Variants in TCF3 observed in about 807,000 individuals in gnomAD.
TCF3 encodes transcription factor E2-alpha.
TCF3 carries 54 observed loss-of-function variants against 72.3 expected under a neutral mutation model. That is an observed-to-expected ratio of 0.75 (90% CI 0.60 to 0.94). The LOEUF is 0.94. TCF3 is among the 40% of genes least tolerant of loss of function. The pLI is 0.00. For missense variants in TCF3, 1,078 were observed against 934.4 expected (o/e 1.15, Z -2.00); for synonymous variants, 525 against 412.6 (o/e 1.27, Z -3.30).
Position 1,609,522 on chromosome 19 carries a change from T to C in TCF3, c.*2185A>G, listed in dbSNP as rs1399749753. On this transcript the variant is annotated 3_prime_UTR_variant, in exon 19 of 19. Transcript: ENST00000262965. ...CCCAGGAACTGCTGTTTCTTCCTCCTCGCGCTGGGTGAATCTCGTTTGAAT... is the reference window on the plus strand; with the variant it reads ...CCCAGGAACTGCTGTTTCTTCCTCCCCGCGCTGGGTGAATCTCGTTTGAAT... The C allele has an allele frequency of 4.8e-6, 1 of 209,850 alleles. No individual in the cohort carries two copies. Among genetic ancestry groups the C allele is most frequent in the Non-Finnish European group, 9.6e-6 (1 of 104,022 alleles). 13.0% of individuals were successfully genotyped at this position (209,850 alleles called of 1,614,324 possible).
intron 2 of TCF3, among the ~76,000 whole-genome samples, chr19:1,646,895 C>T (rs1030209135): frequency 3.3e-5 from 5 of 152,262 alleles, no homozygotes; most frequent in African/African-American, 7.2e-5. Flanking sequence ...GCTGACTCCT[C>T]GTTTCCTGTG....
intron 2 of TCF3, among the ~76,000 whole-genome samples, chr19:1,648,411 G>C (rs929860714): frequency 1.3e-5 from 2 of 152,156 alleles, no homozygotes; most frequent in African/African-American, 4.8e-5. Context: ...TCCTCATCTG[G>C]GAACGGCTCC....
chr19:1,632,621 A>G (rs1599833525), intron 3 of TCF3, among the ~76,000 whole-genome samples: 1 of 151,958 alleles, frequency 6.6e-6, no homozygotes, highest in Admixed American at 6.5e-5. Flanking sequence ...CATAAACTTA[A>G]ATTAACTCTT....
intron 5 of TCF3, among the ~76,000 whole-genome samples, chr19:1,630,441 G>A (rs543884236): frequency 5.3e-5 from 8 of 152,268 alleles, no homozygotes; most frequent in East Asian, 3.9e-4. Flanking sequence ...TCCCTGCCCC[G>A]CTGTGGGGCC....
At chr19:1,649,180 A>T (rs1358268766) in intron 2 of TCF3, among the ~76,000 whole-genome samples, 1 of 152,170 alleles carries the variant, frequency 6.6e-6, no homozygotes, top group Non-Finnish European at 1.5e-5. Flanking sequence ...TGGCAGTCAC[A>T]ATGGTGGCGC....
chr19:1,639,343 C>G (rs1224521989), intron 3 of TCF3, among the ~76,000 whole-genome samples: 1 of 152,118 alleles, frequency 6.6e-6, no homozygotes, highest in Non-Finnish European at 1.5e-5. Context: ...CACCACCAGC[C>G]AAGGAACGGA....
intron 16 of TCF3, 31 bp downstream of exon 16, chr19:1,619,080 G>T: frequency 1.3e-6 from 2 of 1,598,828 alleles, no homozygotes; most frequent in Non-Finnish European, 1.7e-6. Flanking sequence ...CTGGAACCAG[G>T]AGTCGGACAG....
At chr19:1,613,841 G>A (rs1478343190) in intron 18 of TCF3, among the ~76,000 whole-genome samples, 2 of 152,218 alleles carry the variant, frequency 1.3e-5, no homozygotes, top group African/African-American at 2.4e-5. Flanking sequence ...AGGCCTCCAG[G>A]AACCCCATTG....
chr19:1,617,503 A>AC (rs546402756), intron 16 of TCF3, among the ~76,000 whole-genome samples: 145 of 152,272 alleles, frequency 9.5e-4, no homozygotes, highest in African/African-American at 3.4e-3. Flanking sequence ...GGCCTGGGCC[A>AC]CCCCCAAAAC....
chr19:1,618,407 C>T (rs1336663382), intron 16 of TCF3, among the ~76,000 whole-genome samples: 4 of 152,098 alleles, frequency 2.6e-5, no homozygotes, highest in African/African-American at 7.2e-5. Flanking sequence ...GGGTCAGGTC[C>T]CATCCCTCCT....
chr19:1,627,850 A>G (rs1162292791), intron 5 of TCF3, among the ~76,000 whole-genome samples: 8 of 24,452 alleles, frequency 3.3e-4, no homozygotes, highest in East Asian at 1.8e-3. Flanking sequence ...ACAGGGGGTG[A>G]GGCGGGAAGG....
At chr19:1,613,376 A>G (rs969689846) in intron 18 of TCF3, among the ~76,000 whole-genome samples, 8 of 151,874 alleles carry the variant, frequency 5.3e-5, no homozygotes, top group Admixed American at 2.0e-4. Flanking sequence ...GTGGAGGGAG[A>G]TGGGGCCCTG....
At chr19:1,649,769 C>A (rs1005572145) in intron 2 of TCF3, among the ~76,000 whole-genome samples, 4 of 152,166 alleles carry the variant, frequency 2.6e-5, no homozygotes, top group African/African-American at 9.7e-5. Context: ...CACTGTCAAC[C>A]AGACTGGAGT....
intron 3 of TCF3, among the ~76,000 whole-genome samples, chr19:1,637,777 T>C (rs1221282424): frequency 6.6e-6 from 1 of 151,948 alleles, no homozygotes; most frequent in African/African-American, 2.4e-5. Context: ...GGCGTGGTGG[T>C]GGGCACCTGT....
intron 3 of TCF3, among the ~76,000 whole-genome samples, chr19:1,639,181 T>C (rs983652399): frequency 1.3e-5 from 2 of 152,212 alleles, no homozygotes; most frequent in South Asian, 2.1e-4. Context: ...GCAGCTGGGA[T>C]TGCAGGCACC....
At chr19:1,639,669 C>T (rs950731792) in intron 3 of TCF3, among the ~76,000 whole-genome samples, 4 of 142,636 alleles carry the variant, frequency 2.8e-5, no homozygotes, top group Admixed American at 7.5e-5. Flanking sequence ...AGTTTTGGCA[C>T]TGGAGATCTA....
chr19:1,627,336 C>A (rs780186380), intron 6 of TCF3, 23 bp downstream of exon 6: 2 of 1,594,648 alleles, frequency 1.3e-6, no homozygotes, highest in South Asian at 2.3e-5. Context: ...AAAATACACC[C>A]CAGCCCGGCC....
intron 5 of TCF3, among the ~76,000 whole-genome samples, chr19:1,629,460 C>T (rs945259649): frequency 1.1e-3 from 165 of 152,092 alleles, no homozygotes; most frequent in Non-Finnish European, 1.9e-3. Flanking sequence ...CTCGGGGCTA[C>T]GGAGGGGGTC....
intron 3 of TCF3, among the ~76,000 whole-genome samples, chr19:1,642,266 G>GCACGCACACACA (rs1434733978): frequency 6.7e-6 from 1 of 149,450 alleles, no homozygotes; most frequent in Non-Finnish European, 1.5e-5. Flanking sequence ...GCGCACACAC[G>GCACGCACACACA]CACGCACACG....
Sources: gnomAD v4.1 joint callset for allele counts (sites outside exome capture counted in the v4.1 genomes callset) on GRCh38, gnomAD v4.1.1 for gene constraint, MANE v1.5 for transcripts, NCBI Gene and HGNC (gene_info 2026-07-23, HGNC 2026-07-21) for gene names.